Variants in VWA2 observed in about 807,000 individuals in gnomAD.
VWA2 encodes von Willebrand factor A domain containing 2, also known as von Willebrand factor A domain-containing protein 2.
VWA2 carries 73 observed loss-of-function variants against 70.4 expected under a neutral mutation model. The ratio of observed to expected loss-of-function variants is 1.04; its 90% CI spans 0.86 to 1.26. The LOEUF is 1.26. Ranked by LOEUF, VWA2 falls within the 50% of genes most tolerant of loss-of-function variation. The pLI is 0.00. For missense variants in VWA2, 1,011 were observed against 998.5 expected, an observed-to-expected ratio of 1.01 and a Z score of -0.17; for synonymous variants, 407 against 423.3, an observed-to-expected ratio of 0.96 and a Z score of 0.47.
At chr10:114,245,564 G>A (rs1197538650) in intron 1 of VWA2, among the ~76,000 whole-genome samples, 2 of 152,112 alleles carry the variant, frequency 1.3e-5, no homozygotes, top group Non-Finnish European at 2.9e-5. Flanking sequence ...ACTCACAGGC[G>A]GCAGGTGGGG....
chr10:114,290,741 C>T (rs540789498), intron 13 of VWA2, among the ~76,000 whole-genome samples: 18 of 152,212 alleles, frequency 1.2e-4, no homozygotes, highest in Non-Finnish European at 2.4e-4. Flanking sequence ...GGGATGTAGA[C>T]GGAGGCAGGG....
In VWA2 at chr10:114,292,546, T is replaced by G. The variant is rs1053915826; in HGVS notation, c.*1309T>G. ...TTAAACAGGGATATTTGTACCTATG[T>G]GGCAAAGAGGCATATTTGGAATATT... On this transcript the variant is annotated 3_prime_UTR_variant, in exon 14 of 14. Transcript: ENST00000392982. 2.6e-5 allele frequency among the ~76,000 whole-genome samples: 4 copies of G among 151,040 alleles called. No homozygotes were observed. In the South Asian group the frequency reaches 8.4e-4, roughly 32 times the overall value.
chr10:114,262,723 TTA>T (rs2037471433), intron 5 of VWA2, among the ~76,000 whole-genome samples: 1 of 152,218 alleles, frequency 6.6e-6, no homozygotes, highest in Non-Finnish European at 1.5e-5. Context: ...TCACTGACTT[TTA>T]TCTTAGACTC....
intron 4 of VWA2, among the ~76,000 whole-genome samples, 181 bp downstream of exon 4, chr10:114,255,229 C>CT (rs376033907): frequency 0.011 from 1,626 of 142,798 alleles, 17 homozygotes; most frequent in African/African-American, 0.023. Flanking sequence ...GCATCTTTTT[C>CT]TTTTTTTTTT....
chr10:114,277,168 C>CT (rs780326649), intron 6 of VWA2, among the ~76,000 whole-genome samples: 781 of 61,164 alleles, frequency 0.013, 217 homozygotes, highest in East Asian at 0.025. Flanking sequence ...GACTGCACGT[C>CT]TTTTTTTTTT....
Position 114,272,758 on chromosome 10 carries a change from G to T in VWA2, c.390G>T (p.Thr130=), listed in dbSNP as rs141621457. ...TGCACAGAGGAGGGCGCACGGAGACGGAACTTGCTCTGAAATACCTTCTGC... is the reference window on the plus strand; with the variant it reads ...TGCACAGAGGAGGGCGCACGGAGACTGAACTTGCTCTGAAATACCTTCTGC... ...RMVFKGGRTE[T]ELALKYLLHR... is the part of the protein sequence containing the mutation. Residue 130 remains threonine (T), a synonymous_variant, in exon 6 of 14, where the codon ACG becomes ACT. Transcript: ENST00000392982. 5 of 1,608,024 alleles carry T rather than the reference G, an allele frequency of 3.1e-6. No homozygotes were observed. The African/African-American group carries it at 5.3e-5, about 17-fold the overall frequency.
Position 114,261,186 on chromosome 10 carries a change from G to T in VWA2, c.262G>T (p.Val88Phe). 2 of 1,611,126 alleles carry T rather than the reference G, an allele frequency of 1.2e-6. No individual in the cohort carries two copies. The highest frequency in any genetic ancestry group is 1.1e-5 in the South Asian group (1 of 90,918). The change falls in exon 5 of 14, where the codon GTC becomes TTC. Residue 88 changes from valine to phenylalanine, a missense_variant and splice_region_variant. By Grantham distance (50) the Val-to-Phe change is conservative. Transcript: ENST00000392982. ...CDGLDISPER[V>F]RVGAFQFSST... ...CTGAGCCCCCTGTCTCCTACTGCAG[G>T]TCAGAGTGGGAGCATTCCAGTTCAG...
At chr10:114,276,294 A>G (rs2037839969) in intron 6 of VWA2, among the ~76,000 whole-genome samples, 1 of 152,140 alleles carries the variant, frequency 6.6e-6, no homozygotes, top group Non-Finnish European at 1.5e-5. Flanking sequence ...CCCTGGATGC[A>G]GTATCTTCGT....
intron 3 of VWA2, among the ~76,000 whole-genome samples, chr10:114,254,459 A>G (rs975461870): frequency 1.3e-5 from 2 of 152,108 alleles, no homozygotes; most frequent in Non-Finnish European, 2.9e-5. Context: ...GCTACTTGCC[A>G]TGTCCATCTC....
chr10:114,256,229 A>G (rs1224076136), intron 4 of VWA2, among the ~76,000 whole-genome samples: 1 of 152,244 alleles, frequency 6.6e-6, no homozygotes, highest in African/African-American at 2.4e-5. Flanking sequence ...CTGAGGGAGG[A>G]CAGATAAATC....
At chr10:114,266,991 A>G (rs374414705) in intron 5 of VWA2, among the ~76,000 whole-genome samples, 1 of 152,174 alleles carries the variant, frequency 6.6e-6, no homozygotes. Context: ...TAATAATCCA[A>G]GTTCAGGTAT....
rs767924395 is a variant in VWA2 at position 114,290,292 on chromosome 10, C to T, written c.2175C>T (p.Gly725=). Residue 725 remains glycine, a synonymous_variant, in exon 13 of 14, where the codon GGC becomes GGT. Transcript: ENST00000392982. Reference sequence around the variant, plus strand: ...AACCCAGCCCGTGCATGAATGAGGGCAGCTGCGTCCTGCAGAATGGGAGCT... The same window carrying T: ...AACCCAGCCCGTGCATGAATGAGGGTAGCTGCGTCCTGCAGAATGGGAGCT... The part of the protein sequence containing the change: ...LCKPSPCMNE[G]SCVLQNGSYR... The T allele has an allele frequency of 1.0e-5, 16 of 1,550,558 alleles. No individual in the cohort carries two copies. Among genetic ancestry groups the T allele is most frequent in the Non-Finnish European group, 1.2e-5 (14 of 1,146,990 alleles).
chr10:114,288,000 T>TA (rs1337670919), intron 11 of VWA2, among the ~76,000 whole-genome samples: 1 of 152,212 alleles, frequency 6.6e-6, no homozygotes, highest in Non-Finnish European at 1.5e-5. Context: ...GGAGTGGTTT[T>TA]AAAAACCAGT....
Position 114,289,443 on chromosome 10 carries a change from C to A in VWA2, c.2076C>A (p.Ala692=), listed in dbSNP as rs200508042. The A allele has an allele frequency of 6.2e-7, 1 of 1,614,172 alleles. No homozygotes were observed. The highest frequency in any genetic ancestry group is 2.2e-5 in the East Asian group (1 of 44,864). The change falls in exon 12 of 14, where the codon GCC becomes GCA. Residue 692 remains alanine (A), a synonymous_variant. Transcript: ENST00000392982. ...RDSLIHVAAY[A]DLRYHQDVLI... ...CCCTGATCCACGTGGCAGCTTACGC[C>A]GACCTGCGGTACCACCAGGACGTGC...
chr10:114,247,401 G>A (rs1385982001), intron 1 of VWA2, among the ~76,000 whole-genome samples: 2 of 152,042 alleles, frequency 1.3e-5, no homozygotes, highest in Admixed American at 6.6e-5. Context: ...AGGTTCAAGT[G>A]ATTCTCCTGC....
chr10:114,288,296 C>T (rs1388637559), intron 11 of VWA2, among the ~76,000 whole-genome samples: 1 of 152,218 alleles, frequency 6.6e-6, no homozygotes, highest in Non-Finnish European at 1.5e-5. Context: ...CTTTTCCCTC[C>T]ACGCTGCCGA....
At chr10:114,253,935 G>A (rs1209788705) in intron 3 of VWA2, among the ~76,000 whole-genome samples, 2 of 151,782 alleles carry the variant, frequency 1.3e-5, no homozygotes, top group African/African-American at 2.4e-5. Flanking sequence ...CCAGCTACTC[G>A]GGAGGCTGAG....
rs958833989 is a variant in VWA2, at chr10:114,291,200, C to T, written c.2249-18C>T. On this transcript the variant is annotated intron_variant, in intron 13 of 13. Coordinates refer to ENST00000392982, the MANE Select transcript of VWA2 (RefSeq NM_001272046.2). Reference sequence around the variant, plus strand: ...GGATGCAGACACTCCTGTCCTCAGACTTCACTTCCTTCCCCAGGATTCTTG... The same window carrying T: ...GGATGCAGACACTCCTGTCCTCAGATTTCACTTCCTTCCCCAGGATTCTTG... 1 of 1,550,524 alleles carries T rather than the reference C, an allele frequency of 6.4e-7. No individual in the cohort carries two copies. The highest frequency in any genetic ancestry group is 1.2e-5 in the South Asian group (1 of 84,050).
At chr10:114,265,633 T>A (rs2037545843) in intron 5 of VWA2, among the ~76,000 whole-genome samples, 1 of 152,206 alleles carries the variant, frequency 6.6e-6, no homozygotes, top group South Asian at 2.1e-4. Flanking sequence ...AGATGATTAG[T>A]TGAGCTGCTT....
Sources: gnomAD v4.1 joint callset for allele counts (sites outside exome capture counted in the v4.1 genomes callset) on GRCh38, gnomAD v4.1.1 for gene constraint, MANE v1.5 for transcripts, NCBI Gene and HGNC (gene_info 2026-07-23, HGNC 2026-07-21) for gene names.